The following IL21R variants were observed in gnomAD, a reference collection of about 807,000 sequenced individuals.
IL21R encodes interleukin 21 receptor.
Under a neutral mutation model 41.3 loss-of-function variants are expected in IL21R, and 14 were observed. That is an observed-to-expected ratio of 0.34 (90% CI 0.22 to 0.53). IL21R has a LOEUF of 0.53. Ranked by LOEUF, IL21R falls within the 20% of genes least tolerant of loss-of-function variation. IL21R has a pLI of 0.94. For synonymous variants in IL21R, 286 were observed against 287.6 expected, an observed-to-expected ratio of 0.99 and a Z score of 0.05; for missense variants, 588 against 681.6, an observed-to-expected ratio of 0.86 and a Z score of 1.53.
intron 1 of IL21R, among the ~76,000 whole-genome samples, chr16:27,418,591 T>C (rs184444847): frequency 0.013 from 2,041 of 151,258 alleles, 31 homozygotes; most frequent in African/African-American, 0.047. Context: ...AGGATAGTCT[T>C]GATCACCTGA....
At chr16:27,406,411 G>A (rs989053997) in intron 1 of IL21R, among the ~76,000 whole-genome samples, 3 of 151,976 alleles carry the variant, frequency 2.0e-5, no homozygotes, top group East Asian at 1.9e-4. Flanking sequence ...GGAGTGGGGG[G>A]TGCGGGTGCT....
At chr16:27,420,000 G>T (rs556420355) in intron 1 of IL21R, among the ~76,000 whole-genome samples, 28 of 150,284 alleles carry the variant, frequency 1.9e-4, no homozygotes, top group African/African-American at 6.1e-4. Flanking sequence ...TGATTCTCCT[G>T]CCTCGGCCTC....
intron 1 of IL21R, among the ~76,000 whole-genome samples, chr16:27,421,335 C>CAAAAAA (rs35250936): frequency 1.1e-4 from 9 of 84,186 alleles, no homozygotes; most frequent in African/African-American, 2.2e-4. Context: ...TCAATTTCTG[C>CAAAAAA]AAAAAAAAAA....
intron 1 of IL21R, among the ~76,000 whole-genome samples, chr16:27,405,703 C>G: frequency 6.6e-6 from 1 of 152,316 alleles, no homozygotes; most frequent in East Asian, 1.9e-4. Context: ...CCACCCCCAC[C>G]CCTGGCTCAC....
rs2087457642 is a variant in IL21R, at chr16:27,445,282, G to A, written c.785+6G>A. On this transcript the variant is annotated splice_donor_region_variant and intron_variant, in intron 7 of 8. Transcript: ENST00000337929. ...AAGACCCATCCATTGTGGAGGTGAG[G>A]CCAGGGGATGAGGAAGGCAGGGAGG... 1 of 1,602,426 alleles carries A rather than the reference G, an allele frequency of 6.2e-7. No individual in the cohort carries two copies. The highest frequency in any genetic ancestry group is 1.7e-5 in the Admixed American group (1 of 59,936).
intron 3 of IL21R, among the ~76,000 whole-genome samples, chr16:27,437,267 G>A (rs1311167287): frequency 1.3e-5 from 2 of 152,214 alleles, no homozygotes; most frequent in South Asian, 2.1e-4. Context: ...CCTGGGAGGT[G>A]TGCAAGCTGA....
Position 27,444,490 on chromosome 16 carries a change from G to C in IL21R, c.508-52G>C, listed in dbSNP as rs1055800368. On this transcript the variant is annotated intron_variant, in intron 5 of 8. Coordinates refer to ENST00000337929, the MANE Select transcript of IL21R (RefSeq NM_181078.3). Reference sequence around the variant, plus strand: ...AAAGAGGTGGCTCTGCTGGAGGCAGGGGCTGGCCTGGTTTAACCCTGACCT... The same window carrying C: ...AAAGAGGTGGCTCTGCTGGAGGCAGCGGCTGGCCTGGTTTAACCCTGACCT... The C allele has an allele frequency of 6.0e-6, 8 of 1,323,454 alleles. No individual in the cohort carries two copies. In the Admixed American group the frequency reaches 2.4e-4, roughly 40 times the overall value. The allele number at this position is 1,323,454 out of a possible 1,614,324, so 82.0% of individuals were successfully genotyped here.
chr16:27,440,416 G>A (rs1451066089), intron 4 of IL21R, among the ~76,000 whole-genome samples: 1 of 151,790 alleles, frequency 6.6e-6, no homozygotes, highest in South Asian at 2.1e-4. Flanking sequence ...TGGGACTACA[G>A]GTGCACATCA....
chr16:27,403,010 AG>A, intron 1 of IL21R: 1 of 425,046 alleles, frequency 2.4e-6, no homozygotes, highest in Non-Finnish European at 4.7e-6. Flanking sequence ...ATTCTGTGTC[AG>A]TTTCTATGTC....
intron 1 of IL21R, among the ~76,000 whole-genome samples, chr16:27,418,585 T>C (rs923038376): frequency 2.0e-5 from 3 of 152,220 alleles, no homozygotes; most frequent in Admixed American, 1.3e-4. Context: ...TTAGCCAGGA[T>C]AGTCTTGATC....
intron 1 of IL21R, among the ~76,000 whole-genome samples, chr16:27,419,772 T>A (rs2086969397): frequency 6.6e-6 from 1 of 151,698 alleles, no homozygotes; most frequent in Non-Finnish European, 1.5e-5. Flanking sequence ...CCTAAAATAG[T>A]GATTTAAGAT....
In IL21R at chr16:27,448,974, T is replaced by C. The variant is rs750375975; in HGVS notation, c.1308T>C (p.Pro436=). 1 of 1,613,114 alleles carries C rather than the reference T, an allele frequency of 6.2e-7. No homozygotes were observed. Among genetic ancestry groups the C allele is most frequent in the East Asian group, 2.2e-5 (1 of 44,876 alleles). ...GTGGCTGTGTCTCAGCTGGCAGCCCTGGGCTAGGAGGGCCCCTGGGAAGCC... is the reference window on the plus strand; with the variant it reads ...GTGGCTGTGTCTCAGCTGGCAGCCCCGGGCTAGGAGGGCCCCTGGGAAGCC... ...LSCGCVSAGS[P]GLGGPLGSLL... The change falls in exon 9 of 9, where the codon CCT becomes CCC. Residue 436 remains proline, a synonymous_variant. Coordinates refer to ENST00000337929, the MANE Select transcript of IL21R (RefSeq NM_181078.3).
At chr16:27,410,829 C>T (rs988429570) in intron 1 of IL21R, among the ~76,000 whole-genome samples, 1 of 152,160 alleles carries the variant, frequency 6.6e-6, no homozygotes, top group Non-Finnish European at 1.5e-5. Flanking sequence ...TTCATTTCTC[C>T]CTCCCCCAGT....
intron 4 of IL21R, among the ~76,000 whole-genome samples, chr16:27,440,248 T>TATATATATAGAGAGAG (rs1352160946): frequency 1.5e-3 from 93 of 64,014 alleles, no homozygotes; most frequent in African/African-American, 1.8e-3. Context: ...TATATATATA[T>TATATATATAGAGAGAG]AGAGAGAGAG....
chr16:27,448,264 G>C (rs1274176750), intron 8 of IL21R: 1 of 416,808 alleles, frequency 2.4e-6, no homozygotes, highest in Non-Finnish European at 4.3e-6. Flanking sequence ...AGATCAGTCT[G>C]GCCAACATGG....
intron 4 of IL21R, among the ~76,000 whole-genome samples, chr16:27,442,265 CGT>C (rs2087402098): frequency 6.6e-6 from 1 of 151,908 alleles, no homozygotes; most frequent in South Asian, 2.1e-4. Flanking sequence ...TTTGTGTATG[CGT>C]GTGTGTAGGC....
intron 4 of IL21R, among the ~76,000 whole-genome samples, chr16:27,438,952 G>A (rs887133539): frequency 6.6e-6 from 1 of 151,616 alleles, no homozygotes; most frequent in Non-Finnish European, 1.5e-5. Flanking sequence ...GTGTGTGTGT[G>A]TGTATGTGTG....
intron 1 of IL21R, among the ~76,000 whole-genome samples, chr16:27,419,454 G>A (rs1416893590): frequency 6.6e-6 from 1 of 152,216 alleles, no homozygotes; most frequent in Non-Finnish European, 1.5e-5. Flanking sequence ...GTTTTTAAGA[G>A]TCTTGCTCTG....
intron 1 of IL21R, among the ~76,000 whole-genome samples, chr16:27,414,056 C>T (rs1449882550): frequency 6.6e-6 from 1 of 151,718 alleles, no homozygotes; most frequent in Admixed American, 6.6e-5. Flanking sequence ...CTTATCATTG[C>T]CTTATTATGT....
Sources: allele counts gnomAD v4.1 joint callset (sites outside exome capture counted in the v4.1 genomes callset), GRCh38; gene constraint gnomAD v4.1.1; transcripts MANE v1.5; gene names NCBI Gene and HGNC (gene_info 2026-07-23, HGNC 2026-07-21).